The following LINGO3 variants were observed in gnomAD, a reference collection of about 807,000 sequenced individuals.
LINGO3 encodes leucine rich repeat and Ig domain containing 3.
For missense variants in LINGO3, 750 were observed against 867.7 expected (o/e 0.86, Z 1.70); for synonymous variants, 427 against 444.2 (o/e 0.96, Z 0.49).
exon 1 of LINGO3, chr19:2,289,963 G>C: frequency 7.0e-7 from 1 of 1,433,784 alleles, no homozygotes; most frequent in Non-Finnish European, 9.3e-7. Flanking sequence ...CCGGCCCGCG[G>C]GGGAGGGGAG....
exon 1 of LINGO3, chr19:2,291,678 C>T: frequency 2.2e-6 from 3 of 1,352,684 alleles, no homozygotes; most frequent in Non-Finnish European, 2.8e-6. Context: ...CGCGGGTCTG[C>T]ACGGTGCACT....
At chr19:2,291,547 A>G in exon 1 of LINGO3, 1 of 1,596,666 alleles carries the variant, frequency 6.3e-7, no homozygotes, top group African/African-American at 1.3e-5. Flanking sequence ...CAGCGCGGGC[A>G]GCGCGGCCAG....
chr19:2,290,668 AG>A lies in LINGO3; in HGVS notation c.1108del (p.Leu370SerfsTer73). On this transcript the variant is annotated frameshift_variant, in exon 1 of 1. Transcript: ENST00000585527. LOFTEE classifies it low-confidence loss of function (END_TRUNC). The surrounding 1 kb of genome is among the most constrained non-coding windows in gnomAD (Gnocchi z 6.0). ...GGCCGGCAGCCGCCCGTCGAAGTTGAGGGTCTTGCGACGCTGCACGATCCAC... is the reference window on the plus strand; with the variant it reads ...GGCCGGCAGCCGCCCGTCGAAGTTGAGGTCTTGCGACGCTGCACGATCCAC... 1 of 1,607,230 alleles carries A rather than the reference AG, an allele frequency of 6.2e-7. No individual in the cohort carries two copies. Among genetic ancestry groups the A allele is most frequent in the African/African-American group, 1.3e-5 (1 of 74,800 alleles).
the LINGO3 span, among the ~76,000 whole-genome samples, chr19:2,307,599 A>G: frequency 6.6e-6 from 1 of 152,134 alleles, no homozygotes; most frequent in East Asian, 1.9e-4. Context: ...CCAGCGATGG[A>G]GCAGGCTCCG....
the LINGO3 span, among the ~76,000 whole-genome samples, chr19:2,307,373 T>C: frequency 6.6e-6 from 1 of 152,298 alleles, no homozygotes; most frequent in African/African-American, 2.4e-5. Flanking sequence ...CCCGGGGCTT[T>C]TCTTGTGCCC....
At chr19:2,300,023 C>CTTT in the LINGO3 span, among the ~76,000 whole-genome samples, 810 of 95,884 alleles carry the variant, frequency 8.4e-3, 38 homozygotes, top group Non-Finnish European at 0.011. Context: ...TGCCTGGCCT[C>CTTT]TTTTTTTTTT....
chr19:2,306,576 G>A, the LINGO3 span, among the ~76,000 whole-genome samples: 90,675 of 152,072 alleles, frequency 0.6, 29,298 homozygotes, highest in Non-Finnish European at 0.74. Context: ...GGCTGCTGCC[G>A]TAACCATCGT....
upstream of LINGO3, among the ~76,000 whole-genome samples, chr19:2,295,847 C>T (rs745953857): frequency 9.9e-5 from 15 of 152,140 alleles, no homozygotes; most frequent in Non-Finnish European, 2.2e-4. Flanking sequence ...CCACGTGGAA[C>T]AGCACAGAGT....
chr19:2,304,485 G>A, the LINGO3 span, among the ~76,000 whole-genome samples: 5 of 152,152 alleles, frequency 3.3e-5, no homozygotes, highest in Non-Finnish European at 7.3e-5. Flanking sequence ...TGTGAGATCA[G>A]GAGATCATTC....
chr19:2,300,905 C>G, the LINGO3 span, among the ~76,000 whole-genome samples: 2 of 152,222 alleles, frequency 1.3e-5, no homozygotes, highest in East Asian at 3.8e-4. Flanking sequence ...TGGTCGTTCT[C>G]TGGGGTGGGG....
At chr19:2,305,429 C>T in the LINGO3 span, among the ~76,000 whole-genome samples, 2 of 152,190 alleles carry the variant, frequency 1.3e-5, no homozygotes, top group East Asian at 1.9e-4. Flanking sequence ...GCCGGGGTCC[C>T]TCCCTAGAAC....
chr19:2,296,863 C>A (rs62119709), upstream of LINGO3, among the ~76,000 whole-genome samples: 89,310 of 150,482 alleles, frequency 0.59, 29,917 homozygotes, highest in Non-Finnish European at 0.78. Flanking sequence ...CCGAGGCGGG[C>A]AGATCACAAG....
chr19:2,287,417 A>G (rs1317882076), downstream of LINGO3, among the ~76,000 whole-genome samples: 7 of 152,142 alleles, frequency 4.6e-5, no homozygotes, highest in Non-Finnish European at 1.0e-4. This position sits in a 1 kb window ranked among gnomAD's most constrained non-coding sequence, Gnocchi z 4.5. Flanking sequence ...GCAGAGTCAG[A>G]CAGGTGCTAA....
At chr19:2,294,962 C>T (rs576884990), upstream of LINGO3, among the ~76,000 whole-genome samples, 4 of 152,206 alleles carry the variant, frequency 2.6e-5, no homozygotes. The surrounding 1 kb of genome is among the most constrained non-coding windows in gnomAD (Gnocchi z 4.3). Context: ...CCCCAGGCCC[C>T]GTGGCCCAAA....
At chr19:2,294,613 C>A (rs566497884), upstream of LINGO3, among the ~76,000 whole-genome samples, 2 of 146,780 alleles carry the variant, frequency 1.4e-5, no homozygotes, top group African/African-American at 5.1e-5. This position sits in a 1 kb window ranked among gnomAD's most constrained non-coding sequence, Gnocchi z 4.3. Context: ...TGGAGGGGGG[C>A]GGGGAGCTGG....
At chr19:2,295,135 G>C (rs776205573), upstream of LINGO3, among the ~76,000 whole-genome samples, 3 of 152,326 alleles carry the variant, frequency 2.0e-5, no homozygotes, top group Admixed American at 6.5e-5. Context: ...TGAATTGTAC[G>C]TAAGTGAGGA....
the LINGO3 span, among the ~76,000 whole-genome samples, chr19:2,298,075 G>C: frequency 6.6e-6 from 1 of 151,964 alleles, no homozygotes; most frequent in Admixed American, 6.6e-5. Context: ...TTTTAGTAGA[G>C]ATGGGGTTTC....
At chr19:2,302,417 C>A in the LINGO3 span, among the ~76,000 whole-genome samples, 1 of 152,290 alleles carries the variant, frequency 6.6e-6, no homozygotes, top group South Asian at 2.1e-4. Flanking sequence ...AATCAGTGTA[C>A]GGGACATCAG....
Position 2,290,443 on chromosome 19 carries a change from T to G in LINGO3, c.1334A>C (p.Gln445Pro), listed in dbSNP as rs1220239865. 1 of 1,451,072 alleles carries G rather than the reference T, an allele frequency of 6.9e-7. No individual in the cohort carries two copies. Among genetic ancestry groups the G allele is most frequent in the Non-Finnish European group, 9.0e-7 (1 of 1,109,854 alleles). 89.9% of individuals were successfully genotyped at this position (1,451,072 alleles called of 1,614,324 possible). The change falls in exon 1 of 1, where the codon CAG becomes CCG. Residue 445 changes from glutamine (Q) to proline (P), a missense_variant. By Grantham distance (76) the Gln-to-Pro change is moderately conservative. Coordinates refer to ENST00000585527, the Ensembl canonical transcript of LINGO3. The surrounding 1 kb of genome is among the most constrained non-coding windows in gnomAD (Gnocchi z 6.0). ...GCTGGTGGCCGTCACCGGCCGGTGC[T>G]GGGGGGTCACCCAGGCCACGGTGGG... is the stretch of plus-strand genomic sequence containing the variant.
Sources: allele counts gnomAD v4.1 joint callset (sites outside exome capture counted in the v4.1 genomes callset), GRCh38; gene constraint gnomAD v4.1.1; non-coding constraint Gnocchi (gnomAD v3.1); transcripts MANE v1.5; gene names NCBI Gene and HGNC (gene_info 2026-07-23, HGNC 2026-07-21).